Variants in SMAD2 observed in about 807,000 individuals in gnomAD.
The protein encoded by SMAD2 is SMAD family member 2, also known as MAD homolog 2.
In SMAD2, 8 loss-of-function variants were observed where a neutral mutation model predicts 64.4. That is an observed-to-expected ratio of 0.12 (90% CI 0.07 to 0.22). The LOEUF (loss-of-function observed/expected upper bound fraction) is 0.22, where lower values mean the gene tolerates loss of function less well. Among genes scored for constraint, SMAD2 ranks in the 10% least tolerant of loss-of-function variants. The pLI is 1.00. For missense variants in SMAD2, 289 were observed against 561.2 expected (o/e 0.51, Z 4.90); for synonymous variants, 203 against 195.8 (o/e 1.04, Z -0.31).
chr18:47,872,875 T>C (rs1453006558), intron 2 of SMAD2, among the ~76,000 whole-genome samples: 1 of 152,168 alleles, frequency 6.6e-6, no homozygotes, highest in East Asian at 1.9e-4. Flanking sequence ...ATTTAAAGTA[T>C]GAGAAAATGT....
At chr18:47,899,024 C>T (rs1277636563) in intron 1 of SMAD2, among the ~76,000 whole-genome samples, 1 of 151,850 alleles carries the variant, frequency 6.6e-6, no homozygotes, top group Non-Finnish European at 1.5e-5. Context: ...AAGGTATTGG[C>T]AGTGGGGAAT....
At chr18:47,861,054 G>C (rs2031141706) in intron 6 of SMAD2, among the ~76,000 whole-genome samples, 1 of 151,980 alleles carries the variant, frequency 6.6e-6, no homozygotes, top group Non-Finnish European at 1.5e-5. Context: ...TGAAGACTGG[G>C]GAAAAAAAGA....
At chr18:47,910,769 T>C (rs1432065500) in intron 1 of SMAD2, among the ~76,000 whole-genome samples, 1 of 152,224 alleles carries the variant, frequency 6.6e-6, no homozygotes, top group Non-Finnish European at 1.5e-5. Flanking sequence ...ATACAGTTTA[T>C]CATGCATGTG....
At chr18:47,919,457 CAA>C (rs528384045) in intron 1 of SMAD2, among the ~76,000 whole-genome samples, 60 of 134,296 alleles carry the variant, frequency 4.5e-4, no homozygotes, top group East Asian at 2.6e-3. Context: ...GACCTTGTCT[CAA>C]AAAAAAAAAT....
chr18:47,885,434 C>T (rs570232323), intron 2 of SMAD2, among the ~76,000 whole-genome samples: 4 of 152,190 alleles, frequency 2.6e-5, no homozygotes, highest in Admixed American at 6.5e-5. Flanking sequence ...TCCCAAAGTG[C>T]TGGGATTAAA....
At chr18:47,872,482 T>G (rs1342318376) in intron 2 of SMAD2, among the ~76,000 whole-genome samples, 1 of 152,042 alleles carries the variant, frequency 6.6e-6, no homozygotes, top group Non-Finnish European at 1.5e-5. Context: ...TTACACAGCA[T>G]TTACAATGTA....
intron 1 of SMAD2, among the ~76,000 whole-genome samples, chr18:47,922,940 T>A (rs760498495): frequency 2.6e-5 from 4 of 152,222 alleles, no homozygotes; most frequent in Non-Finnish European, 5.9e-5. Flanking sequence ...AAAACATTCA[T>A]GTGTTCAACT....
chr18:47,841,705 C>A lies in SMAD2; in HGVS notation c.*122G>T, dbSNP rs988595136. The A allele has an allele frequency of 2.1e-5, 22 of 1,060,388 alleles. No homozygotes were observed. Among genetic ancestry groups the A allele is most frequent in the African/African-American group, 3.1e-5 (2 of 64,076 alleles). 65.7% of individuals were successfully genotyped at this position (1,060,388 alleles called of 1,614,324 possible). On this transcript the variant is annotated 3_prime_UTR_variant, in exon 11 of 11. Coordinates refer to ENST00000262160, the MANE Select transcript of SMAD2 (RefSeq NM_005901.6). ...CCACAAGGTGCTTTAATTGATGAGACCTCAAGTGCTGTTTTCTCTCTTGAA... is the reference window on the plus strand; with the variant it reads ...CCACAAGGTGCTTTAATTGATGAGAACTCAAGTGCTGTTTTCTCTCTTGAA...
At chr18:47,887,768 G>A (rs374354836) in intron 2 of SMAD2, among the ~76,000 whole-genome samples, 12 of 152,276 alleles carry the variant, frequency 7.9e-5, no homozygotes, top group African/African-American at 2.9e-4. Context: ...TAGAAGTCAA[G>A]TACCAGTCTA....
intron 2 of SMAD2, among the ~76,000 whole-genome samples, chr18:47,890,909 TG>T (rs1320445851): frequency 4.6e-5 from 7 of 152,220 alleles, no homozygotes; most frequent in Admixed American, 4.6e-4. Flanking sequence ...CAAAAGGGTA[TG>T]AACATGAGGT....
chr18:47,891,803 AAT>A (rs1412467936), intron 2 of SMAD2, among the ~76,000 whole-genome samples: 3 of 151,974 alleles, frequency 2.0e-5, no homozygotes, highest in Non-Finnish European at 4.4e-5. Context: ...AAAAGACAAG[AAT>A]AGTCTTGTCA....
In SMAD2 at chr18:47,874,319, T is replaced by C. The variant is rs2032132017; in HGVS notation, c.237-3755A>G. Among the ~76,000 whole-genome samples, 5 of 152,298 alleles carry C rather than the reference T, an allele frequency of 3.3e-5. No homozygotes were observed. The East Asian group carries it at 7.7e-4, about 23-fold the overall frequency. On this transcript the variant is annotated intron_variant, in intron 2 of 10. Coordinates refer to ENST00000262160, the MANE Select transcript of SMAD2 (RefSeq NM_005901.6). ...AAGAGAAGCTGAACACTAAAGTATCTACACTGAATGACTCCACTTATACGA... is the reference window on the plus strand; with the variant it reads ...AAGAGAAGCTGAACACTAAAGTATCCACACTGAATGACTCCACTTATACGA...
Position 47,835,781 on chromosome 18 carries a change from A to G in SMAD2, c.*6046T>C, listed in dbSNP as rs1469026198. 5.3e-6 allele frequency: 1 copy of G among 189,750 alleles called. No homozygotes were observed. The highest frequency in any genetic ancestry group is 1.1e-5 in the Non-Finnish European group (1 of 90,344). The allele number at this position is 189,750 out of a possible 1,614,324, so 11.8% of individuals were successfully genotyped here. On this transcript the variant is annotated 3_prime_UTR_variant, in exon 11 of 11. Transcript: ENST00000262160. ...AAACTTCACTTTTGTCCTTAAATCA[A>G]TATATTACGGATTTCATTGTTCAAT...
intron 1 of SMAD2, chr18:47,912,429 G>A (rs1266165984): frequency 6.6e-6 from 1 of 152,226 alleles, no homozygotes; most frequent in African/African-American, 2.4e-5. Context: ...AATGAGGAAA[G>A]AGAAGCAACC....
At chr18:47,868,930 A>G (rs1230333759) in intron 4 of SMAD2, among the ~76,000 whole-genome samples, 1 of 152,214 alleles carries the variant, frequency 6.6e-6, no homozygotes. Flanking sequence ...CAAGTGCAAA[A>G]TGCTTGAAAA....
At position 47,837,883 on chromosome 18, in the gene SMAD2, CAT is replaced by C. The variant is rs764996528; in HGVS notation, c.*3942_*3943del. On this transcript the variant is annotated 3_prime_UTR_variant, in exon 11 of 11. Transcript: ENST00000262160. ...TTAAAGTAAAGACTGTACATGAAGA[CAT>C]ATTTTATGTACAGTGAAGATTGTCT... is the stretch of plus-strand genomic sequence containing the variant. 8.6e-6 allele frequency: 2 copies of C among 232,604 alleles called. No individual in the cohort carries two copies. The highest frequency in any genetic ancestry group is 1.7e-5 in the Non-Finnish European group (2 of 117,572). 14.4% of individuals were successfully genotyped at this position (232,604 alleles called of 1,614,324 possible).
intron 1 of SMAD2, among the ~76,000 whole-genome samples, chr18:47,918,559 T>C (rs758296169): frequency 2.0e-5 from 3 of 152,222 alleles, no homozygotes; most frequent in African/African-American, 4.8e-5. Context: ...AGAATTACTT[T>C]ATCTGAGGAA....
At chr18:47,875,251 T>C (rs1462124766) in intron 2 of SMAD2, among the ~76,000 whole-genome samples, 1 of 152,122 alleles carries the variant, frequency 6.6e-6, no homozygotes, top group African/African-American at 2.4e-5. Flanking sequence ...TTTGGTAGGT[T>C]TTAATGAGGC....
chr18:47,895,444 A>T (rs926420682), intron 2 of SMAD2: 1 of 152,228 alleles, frequency 6.6e-6, no homozygotes, highest in African/African-American at 2.4e-5. Flanking sequence ...ATATCAAATT[A>T]TAATTAATTT....
Sources: allele counts gnomAD v4.1 joint callset (sites outside exome capture counted in the v4.1 genomes callset), GRCh38; gene constraint gnomAD v4.1.1; transcripts MANE v1.5; gene names NCBI Gene and HGNC (gene_info 2026-07-23, HGNC 2026-07-21).